The following GBF1 variants were observed in gnomAD, a reference collection of about 807,000 sequenced individuals.
GBF1 encodes Golgi-specific brefeldin A-resistance guanine nucleotide exchange factor 1.
In GBF1, 114 loss-of-function variants were observed where a neutral mutation model predicts 210.5. The observed-to-expected ratio is 0.54, with a 90% CI of 0.47 to 0.63. The LOEUF (loss-of-function observed/expected upper bound fraction) is 0.63, where lower values mean the gene tolerates loss of function less well. Among genes scored for constraint, GBF1 ranks in the 30% least tolerant of loss-of-function variants. The pLI, the probability that GBF1 is intolerant of heterozygous loss-of-function variation, is 0.00. For synonymous variants in GBF1, 850 were observed against 889.2 expected, an observed-to-expected ratio of 0.96 and a Z score of 0.78; for missense variants, 1,851 against 2,357.7, an observed-to-expected ratio of 0.79 and a Z score of 4.45.
chr10:102,269,838 G>A (rs2074218884), intron 3 of GBF1, among the ~76,000 whole-genome samples: 2 of 151,884 alleles, frequency 1.3e-5, no homozygotes, highest in African/African-American at 4.8e-5. Flanking sequence ...ATTTGCATTA[G>A]TGAATTACAT....
At position 102,245,774 on chromosome 10, in the gene GBF1, GC is replaced by G. The variant is rs1439771380; in HGVS notation, c.-17del. 1 of 152,206 alleles carries G rather than the reference GC, an allele frequency of 6.6e-6. No homozygotes were observed. Among genetic ancestry groups the G allele is most frequent in the Non-Finnish European group, 1.5e-5 (1 of 68,048 alleles). The allele number at this position is 152,206 out of a possible 1,614,324, so 9.4% of individuals were successfully genotyped here. A position where few individuals can be genotyped will look rare whatever the true frequency, so the allele number is the denominator to read the frequency against. The stretch of plus-strand genomic sequence containing the variant: ...GACTAGGCCCCGCCATTTTGGATCC[GC>G]TGACAGGTCAGCGAAGTCTCTTCCT... On this transcript the variant is annotated 5_prime_UTR_variant, in exon 1 of 40. Coordinates refer to ENST00000369983, the MANE Select transcript of GBF1 (RefSeq NM_001377137.1).
chr10:102,265,683 C>CAATG lies in GBF1; in HGVS notation c.163+5594_163+5597dup, dbSNP rs559652556. On this transcript the variant is annotated intron_variant, in intron 3 of 39. Coordinates refer to ENST00000369983, the MANE Select transcript of GBF1 (RefSeq NM_001377137.1). ...CTGAGTGACAAGAGTGAGACCCTTT[C>CAATG]AATGAATGAATGAATGAATGAATGA... Among the ~76,000 whole-genome samples the CAATG allele has an allele frequency of 5.4e-3, 821 of 151,960 alleles. 3 individuals are homozygous for CAATG. The highest frequency in any genetic ancestry group is 0.014 in the African/African-American group (593 of 41,432).
chr10:102,355,560 T>A (rs2059246262), intron 8 of GBF1, among the ~76,000 whole-genome samples: 1 of 152,222 alleles, frequency 6.6e-6, no homozygotes, highest in African/African-American at 2.4e-5. Context: ...GGCAGCCTCT[T>A]GGCCCCTACT....
At chr10:102,331,851 A>ATTTTTTTTTTTTTTTTTTTTTTT (rs869198412) in intron 3 of GBF1, among the ~76,000 whole-genome samples, 2 of 85,344 alleles carry the variant, frequency 2.3e-5, no homozygotes, top group African/African-American at 9.8e-5. Flanking sequence ...TACCTGGCTA[A>ATTTTTTTTTTTTTTTTTTTTTTT]TTTTTTTTTT....
intron 4 of GBF1, among the ~76,000 whole-genome samples, chr10:102,345,301 T>C (rs952537653): frequency 1.4e-5 from 2 of 142,474 alleles, no homozygotes; most frequent in African/African-American, 5.2e-5. Flanking sequence ...AAAAAAAGAA[T>C]AGAATAAAAT....
intron 1 of GBF1, among the ~76,000 whole-genome samples, chr10:102,256,184 A>T (rs1393057220): frequency 6.6e-6 from 1 of 152,108 alleles, no homozygotes; most frequent in Non-Finnish European, 1.5e-5. Context: ...GGCTCAAATG[A>T]TCTGCCCACC....
At chr10:102,251,575 G>A (rs1254524535) in intron 1 of GBF1, among the ~76,000 whole-genome samples, 2 of 151,848 alleles carry the variant, frequency 1.3e-5, no homozygotes, top group African/African-American at 4.8e-5. Context: ...TTTATTTGAG[G>A]CAGAGTCTCA....
intron 29 of GBF1, among the ~76,000 whole-genome samples, chr10:102,374,357 A>AAT (rs1039033537): frequency 1.3e-5 from 2 of 151,844 alleles, no homozygotes; most frequent in Admixed American, 6.6e-5. Flanking sequence ...CAAAAAAAAA[A>AAT]AGAATTTGAA....
chr10:102,354,572 C>G (rs1394591100), intron 8 of GBF1, among the ~76,000 whole-genome samples: 3 of 152,158 alleles, frequency 2.0e-5, no homozygotes, highest in Non-Finnish European at 4.4e-5. Context: ...ACAACTTACT[C>G]CTCCCTAGTA....
intron 1 of GBF1, among the ~76,000 whole-genome samples, chr10:102,251,858 G>T (rs2071584100): frequency 6.6e-6 from 1 of 151,936 alleles, no homozygotes; most frequent in South Asian, 2.1e-4. Flanking sequence ...CCCCAGCCAA[G>T]ATATGTTTAG....
intron 8 of GBF1, among the ~76,000 whole-genome samples, chr10:102,357,295 T>G (rs1193877662): frequency 6.6e-6 from 1 of 152,106 alleles, no homozygotes; most frequent in Non-Finnish European, 1.5e-5. Context: ...GAGACTAGCC[T>G]GGCCAACATA....
chr10:102,258,150 A>ATTTTTTTTTTTTTTTTTTTTTTTTTTTT (rs60505807), intron 1 of GBF1, among the ~76,000 whole-genome samples: 1 of 96,932 alleles, frequency 1.0e-5, no homozygotes, highest in Non-Finnish European at 2.0e-5. Flanking sequence ...AGTATTACAG[A>ATTTTTTTTTTTTTTTTTTTTTTTTTTTT]TTTTTTTTTT....
At chr10:102,375,266 C>A in intron 29 of GBF1, 93 bp from the exon 30 acceptor site, 1 of 773,780 alleles carries the variant, frequency 1.3e-6, no homozygotes, top group Non-Finnish European at 2.3e-6. Context: ...TCTTCACTGG[C>A]CTAAGGAGAC....
At chr10:102,318,118 G>C (rs537707932) in intron 3 of GBF1, among the ~76,000 whole-genome samples, 298 of 152,048 alleles carry the variant, frequency 2.0e-3, no homozygotes, top group African/African-American at 6.8e-3. Context: ...CCGTGGTCTC[G>C]ATCTCCTGAC....
chr10:102,278,649 T>A (rs1278841155), intron 3 of GBF1, among the ~76,000 whole-genome samples: 1 of 152,242 alleles, frequency 6.6e-6, no homozygotes, highest in Non-Finnish European at 1.5e-5. Context: ...AATCTTCTCT[T>A]ATAGCTATTT....
chr10:102,371,735 C>T (rs539566443), intron 29 of GBF1, among the ~76,000 whole-genome samples: 1 of 152,278 alleles, frequency 6.6e-6, no homozygotes, highest in East Asian at 1.9e-4. Context: ...TCAAGGCCAG[C>T]CTGGCCAACA....
intron 38 of GBF1, 24 bp from the exon 39 acceptor site, chr10:102,381,103 A>G: frequency 6.2e-7 from 1 of 1,609,134 alleles, no homozygotes; most frequent in African/African-American, 1.3e-5. Context: ...AAGAGGTGCC[A>G]TCTCAATTCT....
chr10:102,378,110 C>T (rs556734274), intron 33 of GBF1, among the ~76,000 whole-genome samples: 4 of 150,738 alleles, frequency 2.7e-5, no homozygotes, highest in African/African-American at 4.9e-5. Flanking sequence ...CCCAGCTACT[C>T]GGGAGGCTGA....
rs200978180 is a variant in GBF1 at position 102,370,490 on chromosome 10, G to A, written c.3506+12G>A. On this transcript the variant is annotated intron_variant, in intron 28 of 39. Coordinates refer to ENST00000369983, the MANE Select transcript of GBF1 (RefSeq NM_001377137.1). ...GTGTTGGAGAACAGGTAAGATGAGC[G>A]TAGTCTTTAGGCAGACCCCATGCTG... 8.0e-4 allele frequency: 1,271 copies of A among 1,589,514 alleles called. 1 individual carries two copies. Among genetic ancestry groups the A allele is most frequent in the Non-Finnish European group, 1.1e-3 (1,230 of 1,157,672 alleles).
Sources: gnomAD v4.1 joint callset for allele counts (sites outside exome capture counted in the v4.1 genomes callset) on GRCh38, gnomAD v4.1.1 for gene constraint, MANE v1.5 for transcripts, NCBI Gene and HGNC (gene_info 2026-07-23, HGNC 2026-07-21) for gene names.